The following BCL2 variants were observed in gnomAD, a reference collection of about 807,000 sequenced individuals.
BCL2 encodes apoptosis regulator Bcl-2.
Under a neutral mutation model 14.2 loss-of-function variants are expected in BCL2, and 1 was observed. The ratio of observed to expected loss-of-function variants is 0.07; its 90% CI spans 0.02 to 0.33. BCL2 has a LOEUF of 0.33. Ranked by LOEUF, BCL2 falls within the 10% of genes least tolerant of loss-of-function variation. The probability of loss-of-function intolerance (pLI) is 0.99; values close to 1 mark genes in which losing one functional copy is unlikely to be tolerated. For synonymous variants in BCL2, 151 were observed against 137.2 expected (o/e 1.10, Z -0.70); for missense variants, 247 against 305.9 (o/e 0.81, Z 1.44).
At chr18:63,187,121 A>T (rs569749497) in intron 2 of BCL2, among the ~76,000 whole-genome samples, 4 of 152,344 alleles carry the variant, frequency 2.6e-5, no homozygotes, top group African/African-American at 9.6e-5. Flanking sequence ...TACAGTTTTC[A>T]TCTTGCCCTG....
intron 2 of BCL2, among the ~76,000 whole-genome samples, chr18:63,132,214 G>A (rs984906818): frequency 5.3e-5 from 8 of 152,276 alleles, no homozygotes; most frequent in Non-Finnish European, 7.4e-5. Context: ...ACCCAGCCCC[G>A]AGCCTCATTT....
At chr18:63,199,882 G>A (rs118090710) in intron 2 of BCL2, among the ~76,000 whole-genome samples, 2 of 151,848 alleles carry the variant, frequency 1.3e-5, no homozygotes, top group East Asian at 1.9e-4. Context: ...CACACATGGG[G>A]TAAATACGGT....
At chr18:63,156,113 G>A (rs958724625) in intron 2 of BCL2, among the ~76,000 whole-genome samples, 4 of 141,362 alleles carry the variant, frequency 2.8e-5, no homozygotes, top group Non-Finnish European at 6.2e-5. Flanking sequence ...AAAAGGCTTG[G>A]ACGGCATCAG....
intron 2 of BCL2, among the ~76,000 whole-genome samples, chr18:63,249,270 T>C (rs1851173412): frequency 6.6e-6 from 1 of 152,210 alleles, no homozygotes; most frequent in Non-Finnish European, 1.5e-5. Context: ...GTCCAATTGG[T>C]TCTTCCTTCA....
At chr18:63,315,240 C>G (rs2144314734) in intron 2 of BCL2, 1 of 152,462 alleles carries the variant, frequency 6.6e-6, no homozygotes, top group Middle Eastern at 3.4e-3. Flanking sequence ...AAGGTATCCA[C>G]ATTTTCTAGA....
At chr18:63,195,811 C>A (rs1237149443) in intron 2 of BCL2, among the ~76,000 whole-genome samples, 1 of 152,024 alleles carries the variant, frequency 6.6e-6, no homozygotes, top group African/African-American at 2.4e-5. Flanking sequence ...CCTAAAAAAG[C>A]CTGCTTTAAA....
chr18:63,258,170 G>A (rs1911540046), intron 2 of BCL2, among the ~76,000 whole-genome samples: 1 of 152,176 alleles, frequency 6.6e-6, no homozygotes, highest in Non-Finnish European at 1.5e-5. Flanking sequence ...GAAGAGGTGG[G>A]GGGTGGATCC....
Position 63,228,485 on chromosome 18 carries a change from C to T in BCL2, c.585+89597G>A, listed in dbSNP as rs112515152. Among the ~76,000 whole-genome samples the T allele has an allele frequency of 9.7e-3, 1,476 of 151,984 alleles. 29 individuals carry two copies. Among genetic ancestry groups the T allele is most frequent in the African/African-American group, 0.034 (1,403 of 41,468 alleles). On this transcript the variant is annotated intron_variant, in intron 2 of 2. Transcript: ENST00000333681. ...TATTTTTCTTTATAGCACTATACCA[C>T]CTGACAAATTATATATTTTGTTTGT...
rs192064655 is a variant in BCL2 at position 63,290,467 on chromosome 18, C to T, written c.585+27615G>A. Among the ~76,000 whole-genome samples, 680 of 152,220 alleles carry T rather than the reference C, an allele frequency of 4.5e-3. 5 individuals are homozygous for T. Among genetic ancestry groups the T allele is most frequent in the Non-Finnish European group, 4.5e-3 (307 of 68,010 alleles). The stretch of plus-strand genomic sequence containing the variant: ...GCTCAATGTAAAAATGGAAATGAGG[C>T]GAGGTTTGTTCCCTTAGAACATGTT... On this transcript the variant is annotated intron_variant, in intron 2 of 2. Transcript: ENST00000333681.
rs147667755 is a variant in BCL2, at chr18:63,184,857, T to C, written c.586-56098A>G. 1.8e-3 allele frequency among the ~76,000 whole-genome samples: 280 copies of C among 152,336 alleles called. 1 individual carries two copies. Among genetic ancestry groups the C allele is most frequent in the African/African-American group, 6.1e-3 (252 of 41,576 alleles). ...TTGGCCACTTCTTGAATTTCTACCC[T>C]TCTTCTTGAATGTAGACTGTAGACT... On this transcript the variant is annotated intron_variant, in intron 2 of 2. Transcript: ENST00000333681.
At chr18:63,311,572 C>A (rs1162029072) in intron 2 of BCL2, among the ~76,000 whole-genome samples, 2 of 152,164 alleles carry the variant, frequency 1.3e-5, no homozygotes, top group African/African-American at 4.8e-5. Context: ...AGAGTGGAGT[C>A]AGTCATCAGT....
chr18:63,227,545 T>G (rs1015829781), intron 2 of BCL2, among the ~76,000 whole-genome samples: 1 of 152,136 alleles, frequency 6.6e-6, no homozygotes, highest in African/African-American at 2.4e-5. Context: ...GGGTAACAAC[T>G]GTCAAAACAA....
At chr18:63,310,445 A>C (rs1443956224) in intron 2 of BCL2, among the ~76,000 whole-genome samples, 7 of 152,142 alleles carry the variant, frequency 4.6e-5, no homozygotes, top group Non-Finnish European at 8.8e-5. Flanking sequence ...TTGTCTCAAC[A>C]TTATCTCCGG....
chr18:63,163,477 C>A (rs191197105), intron 2 of BCL2, among the ~76,000 whole-genome samples: 1 of 152,232 alleles, frequency 6.6e-6, no homozygotes, highest in East Asian at 1.9e-4. Context: ...GATGAAGCAA[C>A]CTTTAGATTG....
At chr18:63,211,063 CTTTTTTTTTTTTTTT>C (rs59302545) in intron 2 of BCL2, among the ~76,000 whole-genome samples, 1 of 59,142 alleles carries the variant, frequency 1.7e-5, no homozygotes, top group Non-Finnish European at 2.9e-5. Context: ...CTTTTCATTT[CTTTTTTTTTTTTTTT>C]TTTTTTTTTT....
chr18:63,244,613 AG>A (rs1911104309), intron 2 of BCL2, among the ~76,000 whole-genome samples: 1 of 152,172 alleles, frequency 6.6e-6, no homozygotes, highest in South Asian at 2.1e-4. Flanking sequence ...TCCCCTTATC[AG>A]TATGTCTAGA....
intron 2 of BCL2, among the ~76,000 whole-genome samples, chr18:63,201,323 C>T (rs1909684151): frequency 1.3e-5 from 2 of 152,172 alleles, no homozygotes; most frequent in African/African-American, 4.8e-5. Flanking sequence ...GAAAGTCTTT[C>T]AAAAGACGCT....
chr18:63,218,774 CCAT>C (rs1187382781), intron 2 of BCL2, among the ~76,000 whole-genome samples: 2 of 43,760 alleles, frequency 4.6e-5, no homozygotes, highest in Non-Finnish European at 1.1e-4. Context: ...CTACTCATCC[CCAT>C]CCTCCACTCA....
chr18:63,154,184 C>T (rs954481097), intron 2 of BCL2, among the ~76,000 whole-genome samples: 1 of 152,134 alleles, frequency 6.6e-6, no homozygotes, highest in Non-Finnish European at 1.5e-5. Context: ...TCCTCAACTC[C>T]TCCCTCTTCT....
Sources: allele counts gnomAD v4.1 joint callset (sites outside exome capture counted in the v4.1 genomes callset), GRCh38; gene constraint gnomAD v4.1.1; transcripts MANE v1.5; gene names NCBI Gene and HGNC (gene_info 2026-07-23, HGNC 2026-07-21).